Variants in NFKBIL1 observed in about 807,000 individuals in gnomAD.
NFKBIL1 encodes the protein NFKB inhibitor like 1, also known as NF-kappa-B inhibitor-like protein 1.
In NFKBIL1, 30 loss-of-function variants were observed where a neutral mutation model predicts 45.4. The observed-to-expected ratio is 0.66, with a 90% CI of 0.49 to 0.90. The LOEUF (loss-of-function observed/expected upper bound fraction) is 0.90, where lower values mean the gene tolerates loss of function less well. Ranked by LOEUF, NFKBIL1 falls within the 40% of genes least tolerant of loss-of-function variation. NFKBIL1 has a pLI of 0.00. For missense variants in NFKBIL1, 434 were observed against 513.4 expected (o/e 0.85, Z 1.49); for synonymous variants, 179 against 197.3 (o/e 0.91, Z 0.78).
At chr6:31,556,300 G>C (rs556557832) in intron 2 of NFKBIL1, among the ~76,000 whole-genome samples, 2 of 152,298 alleles carry the variant, frequency 1.3e-5, no homozygotes, top group Non-Finnish European at 1.5e-5. Context: ...GGGCCATTCT[G>C]TCTTCTTGCC....
intron 2 of NFKBIL1, chr6:31,556,676 A>T (rs1259805577): frequency 2.2e-6 from 1 of 456,750 alleles, no homozygotes; most frequent in Non-Finnish European, 4.4e-6. Context: ...GTCACACTCC[A>T]CTCCCTTTCC....
intron 2 of NFKBIL1, among the ~76,000 whole-genome samples, chr6:31,551,819 C>T (rs1054028940): frequency 1.2e-4 from 18 of 151,812 alleles, no homozygotes; most frequent in African/African-American, 4.4e-4. Flanking sequence ...ATTTTTGAGA[C>T]GGAGTCTCCC....
At chr6:31,548,124 A>G in intron 1 of NFKBIL1, 39 bp from the exon 2 acceptor site, 1 of 1,612,880 alleles carries the variant, frequency 6.2e-7, no homozygotes, top group Non-Finnish European at 8.5e-7. Context: ...GGACCAGCCA[A>G]GGCTGAAGTC....
rs1282111644 is a variant in NFKBIL1 at position 31,558,409 on chromosome 6, C to A, written c.944C>A (p.Ala315Glu). The stretch of plus-strand genomic sequence containing the variant: ...GGAGGGGACCCAGAGGCCATGGCTG[C>A]AGCCCTGGTGGCCAGGGGCCCCCCT... Reference protein sequence around the residue: ...PGGGDPEAMAAALVARGPPLE... With the variant: ...PGGGDPEAMAEALVARGPPLE... Residue 315 changes from alanine to glutamate, a missense_variant, in exon 4 of 4, where the codon GCA (alanine) becomes GAA (glutamate). Transcript: ENST00000376148. The surrounding 1 kb of genome is among the most constrained non-coding windows in gnomAD (Gnocchi z 7.2). The A allele has an allele frequency of 6.4e-7, 1 of 1,551,184 alleles. No individual in the cohort carries two copies. The highest frequency in any genetic ancestry group is 2.4e-5 in the East Asian group (1 of 41,178).
At chr6:31,552,416 G>A (rs1769479272) in intron 2 of NFKBIL1, among the ~76,000 whole-genome samples, 1 of 151,912 alleles carries the variant, frequency 6.6e-6, no homozygotes, top group Non-Finnish European at 1.5e-5. Context: ...GGGACTATAG[G>A]CGTAGGGACT....
In NFKBIL1 at chr6:31,557,613, C is replaced by T; in HGVS notation, c.335-15C>T. On this transcript the variant is annotated splice_polypyrimidine_tract_variant and intron_variant, in intron 2 of 3. Transcript: ENST00000376148. This position sits in a 1 kb window ranked among gnomAD's most constrained non-coding sequence, Gnocchi z 5.4. ...AGTCCCAGCTAACTTCTGCTCCCTG[C>T]TCTCCCACCAACAGCCTACACCGAT... is the stretch of plus-strand genomic sequence containing the variant. 2 of 1,488,168 alleles carry T rather than the reference C, an allele frequency of 1.3e-6. No homozygotes were observed. The highest frequency in any genetic ancestry group is 1.4e-5 in the South Asian group (1 of 68,996). The allele number at this position is 1,488,168 out of a possible 1,614,324, so 92.2% of individuals were successfully genotyped here. A position where few individuals can be genotyped will look rare whatever the true frequency, so the allele number is the denominator to read the frequency against.
upstream of NFKBIL1, chr6:31,547,505 C>G (rs981645445): frequency 4.5e-6 from 2 of 444,856 alleles, no homozygotes; most frequent in Non-Finnish European, 8.0e-6. Context: ...AAGAACTACC[C>G]GGTCGGGGCG....
chr6:31,554,478 A>T (rs1472433132), intron 2 of NFKBIL1, among the ~76,000 whole-genome samples: 1 of 152,210 alleles, frequency 6.6e-6, no homozygotes, highest in Non-Finnish European at 1.5e-5. Context: ...TATAACACAT[A>T]CAGTATATAG....
intron 2 of NFKBIL1, among the ~76,000 whole-genome samples, chr6:31,555,016 A>G (rs1002622828): frequency 1.3e-5 from 2 of 152,236 alleles, no homozygotes; most frequent in Non-Finnish European, 2.9e-5. Context: ...TAAATGTGTC[A>G]TATGTATGCT....
Position 31,558,760 on chromosome 6 carries a change from G to A in NFKBIL1, c.*149G>A, listed in dbSNP as rs200210473. On this transcript the variant is annotated 3_prime_UTR_variant, in exon 4 of 4. Transcript: ENST00000376148. This position sits in a 1 kb window ranked among gnomAD's most constrained non-coding sequence, Gnocchi z 7.2. Reference sequence around the variant, plus strand: ...AGCGAAAGTTGTAACAAGTGGGGGTGGGGGGTGCGGGCCGCCACCACTGCT... The same window carrying A: ...AGCGAAAGTTGTAACAAGTGGGGGTAGGGGGTGCGGGCCGCCACCACTGCT... The A allele has an allele frequency of 7.7e-6, 5 of 647,262 alleles. No homozygotes were observed. Among genetic ancestry groups the A allele is most frequent in the South Asian group, 6.5e-5 (3 of 46,020 alleles). 40.1% of individuals were successfully genotyped at this position (647,262 alleles called of 1,614,324 possible). A position where few individuals can be genotyped will look rare whatever the true frequency, so the allele number is the denominator to read the frequency against.
intron 2 of NFKBIL1, 38 bp downstream of exon 2, chr6:31,548,477 T>C: frequency 6.9e-7 from 1 of 1,456,334 alleles, no homozygotes; most frequent in East Asian, 2.5e-5. Context: ...CATAAGCAGC[T>C]GACCAGACCT....
At chr6:31,553,665 TC>T (rs1769562584) in intron 2 of NFKBIL1, among the ~76,000 whole-genome samples, 2 of 152,140 alleles carry the variant, frequency 1.3e-5, no homozygotes, top group Admixed American at 1.3e-4. Flanking sequence ...TTTTTTAATT[TC>T]TTTTTTGTTG....
chr6:31,547,205 G>T (rs946748727), upstream of NFKBIL1, among the ~76,000 whole-genome samples: 11 of 143,714 alleles, frequency 7.7e-5, no homozygotes, highest in Non-Finnish European at 1.4e-4. Context: ...CTTTTTTTTT[G>T]ATCTGTCCCT....
rs199905722 is a variant in NFKBIL1 at position 31,557,783 on chromosome 6, G to C, written c.490G>C (p.Glu164Gln). Residue 164 changes from glutamate to glutamine, a missense_variant, in exon 3 of 4, where the codon GAA becomes CAA. Around this residue, in one of 4 missense-constraint regions of NFKBIL1, gnomAD observed 231 missense variants for 264.1 expected, o/e 0.87. Transcript: ENST00000376148. This position sits in a 1 kb window ranked among gnomAD's most constrained non-coding sequence, Gnocchi z 5.4. The stretch of plus-strand genomic sequence containing the variant: ...AGAAGATGATGCCTCCAAGGAGCGG[G>C]AATGGAGACAGAAGCTCCAGGGTGA... ...EEEDDASKER[E>Q]WRQKLQGELE... 2 of 1,612,476 alleles carry C rather than the reference G, an allele frequency of 1.2e-6. No individual in the cohort carries two copies. Among genetic ancestry groups the C allele is most frequent in the Non-Finnish European group, 1.7e-6 (2 of 1,178,978 alleles).
chr6:31,554,955 A>G (rs976254416), intron 2 of NFKBIL1, among the ~76,000 whole-genome samples: 1 of 152,248 alleles, frequency 6.6e-6, no homozygotes, highest in Non-Finnish European at 1.5e-5. Context: ...ATGTTAAATG[A>G]AAGAAGCAAG....
In NFKBIL1 at chr6:31,558,203, C is replaced by T; in HGVS notation, c.738C>T (p.Phe246=). ...WRQQEEEQRL[F]RERARAKEEE... ...AGCAGGAGGAGGAGCAGCGGCTCTT[C>T]AGGGAGCGAGCCCGGGCCAAGGAGG... The change falls in exon 4 of 4, where the codon TTC becomes TTT. Residue 246 remains phenylalanine (F), a synonymous_variant. Transcript: ENST00000376148. The surrounding 1 kb of genome is among the most constrained non-coding windows in gnomAD (Gnocchi z 7.2). 1 of 1,603,754 alleles carries T rather than the reference C, an allele frequency of 6.2e-7. No homozygotes were observed. The highest frequency in any genetic ancestry group is 2.2e-5 in the East Asian group (1 of 44,604).
intron 2 of NFKBIL1, among the ~76,000 whole-genome samples, chr6:31,548,754 C>T (rs770627830): frequency 5.9e-5 from 9 of 152,234 alleles, no homozygotes; most frequent in Non-Finnish European, 4.4e-5. Flanking sequence ...GTTAGATTGC[C>T]TGGATTCAAA....
chr6:31,550,900 T>G (rs577625974), intron 2 of NFKBIL1, among the ~76,000 whole-genome samples: 140 of 152,304 alleles, frequency 9.2e-4, no homozygotes, highest in African/African-American at 3.3e-3. Flanking sequence ...TTGGTCAGGC[T>G]GGTCTCAAAC....
At chr6:31,551,674 A>T (rs1769435881) in intron 2 of NFKBIL1, among the ~76,000 whole-genome samples, 3 of 151,954 alleles carry the variant, frequency 2.0e-5, no homozygotes, top group African/African-American at 7.3e-5. Flanking sequence ...GGCTCACTAT[A>T]ACTTCTGCTT....
Sources: gnomAD v4.1 joint callset for allele counts (sites outside exome capture counted in the v4.1 genomes callset) on GRCh38, gnomAD v4.1.1 for gene constraint, gnomAD v4.1.1 regional missense constraint, Gnocchi (gnomAD v3.1) non-coding constraint, MANE v1.5 for transcripts, NCBI Gene and HGNC (gene_info 2026-07-23, HGNC 2026-07-21) for gene names.